Variants in RFPL1 observed in about 807,000 individuals in gnomAD.
RFPL1 encodes the protein ret finger protein-like 1.
In RFPL1, 6 loss-of-function variants were observed where a neutral mutation model predicts 9.6. That is an observed-to-expected ratio of 0.62 (90% CI 0.34 to 1.23). The LOEUF is 1.23. RFPL1 is among the 50% of genes most tolerant of loss of function. RFPL1 has a pLI of 0.03. For synonymous variants in RFPL1, 145 were observed against 149.4 expected (o/e 0.97, Z 0.22); for missense variants, 352 against 398.4 (o/e 0.88, Z 0.99).
At chr22:29,406,992 C>T in the RFPL1 span, among the ~76,000 whole-genome samples, 4 of 152,068 alleles carry the variant, frequency 2.6e-5, no homozygotes, top group Non-Finnish European at 4.4e-5. Flanking sequence ...TCATTTATTT[C>T]ATTTGTGCCA....
the RFPL1 span, among the ~76,000 whole-genome samples, chr22:29,417,466 C>T: frequency 2.2e-3 from 325 of 149,876 alleles, 2 homozygotes; most frequent in Non-Finnish European, 4.0e-3. Context: ...TATCTTGGGA[C>T]CTGGATGGGA....
upstream of RFPL1, chr22:29,438,305 C>G (rs988071690): frequency 6.2e-6 from 1 of 161,296 alleles, no homozygotes; most frequent in Non-Finnish European, 1.3e-5. Flanking sequence ...GCCTCAGCCT[C>G]CCAAGTATCT....
the RFPL1 span, among the ~76,000 whole-genome samples, chr22:29,432,776 A>C: frequency 6.6e-6 from 1 of 151,336 alleles, no homozygotes; most frequent in Non-Finnish European, 1.5e-5. Context: ...CAAGGCCATG[A>C]CTCTTCTTAT....
chr22:29,410,294 G>C, the RFPL1 span, among the ~76,000 whole-genome samples: 3 of 106,856 alleles, frequency 2.8e-5, no homozygotes, highest in East Asian at 2.9e-4. Flanking sequence ...CTATATATAT[G>C]TAGATATATA....
chr22:29,389,833 C>T, the RFPL1 span, among the ~76,000 whole-genome samples: 1 of 151,376 alleles, frequency 6.6e-6, no homozygotes, highest in Non-Finnish European at 1.5e-5. Flanking sequence ...GGGTCTCGCT[C>T]TGTTGCCCGG....
chr22:29,407,113 G>A, the RFPL1 span, among the ~76,000 whole-genome samples: 2 of 123,462 alleles, frequency 1.6e-5, no homozygotes, highest in Non-Finnish European at 3.3e-5. Context: ...GTGTGTGTGT[G>A]TGTGAGAAAA....
At chr22:29,409,633 G>A in the RFPL1 span, among the ~76,000 whole-genome samples, 14,523 of 152,216 alleles carry the variant, frequency 0.095, 692 homozygotes, top group African/African-American at 0.11. Context: ...CATGACACCG[G>A]AGATGGTAAG....
the RFPL1 span, among the ~76,000 whole-genome samples, chr22:29,419,591 C>T: frequency 3.9e-5 from 6 of 151,964 alleles, no homozygotes; most frequent in East Asian, 3.9e-4. Context: ...GATCACGAGG[C>T]CAGGAGATCA....
exon 2 of RFPL1, chr22:29,442,054 T>C (rs1372988824): frequency 6.2e-7 from 1 of 1,613,542 alleles, no homozygotes; most frequent in Non-Finnish European, 8.5e-7. Context: ...TAAGAGTGTC[T>C]TGAGTATCTG....
the RFPL1 span, among the ~76,000 whole-genome samples, chr22:29,409,220 A>G: frequency 6.6e-6 from 1 of 152,162 alleles, no homozygotes; most frequent in African/African-American, 2.4e-5. Context: ...CCCCTCAAAG[A>G]AACCCCACTA....
chr22:29,441,667 A>T, exon 2 of RFPL1: 1 of 1,613,834 alleles, frequency 6.2e-7, no homozygotes, highest in South Asian at 1.1e-5. Context: ...TGACGTGTCC[A>T]TTTGCATCCT....
chr22:29,429,628 C>T, the RFPL1 span, among the ~76,000 whole-genome samples: 1 of 152,116 alleles, frequency 6.6e-6, no homozygotes, highest in East Asian at 1.9e-4. Flanking sequence ...AAACAAAAAA[C>T]CTGAACAGAC....
At chr22:29,426,716 C>T in the RFPL1 span, among the ~76,000 whole-genome samples, 1 of 152,118 alleles carries the variant, frequency 6.6e-6, no homozygotes, top group African/African-American at 2.4e-5. Flanking sequence ...CCATTGCACT[C>T]CGGCCAGGGT....
chr22:29,427,109 C>T, the RFPL1 span, among the ~76,000 whole-genome samples: 73 of 152,308 alleles, frequency 4.8e-4, 1 homozygote, highest in East Asian at 5.4e-3. Flanking sequence ...ATTTATCTGC[C>T]GCAAGGTGGC....
At chr22:29,423,134 T>A in the RFPL1 span, 2 of 1,511,166 alleles carry the variant, frequency 1.3e-6, no homozygotes, top group Non-Finnish European at 1.8e-6. Context: ...CCTTTCTTGG[T>A]CGTGGTGAAA....
chr22:29,433,527 T>TA, the RFPL1 span: 97 of 179,890 alleles, frequency 5.4e-4, no homozygotes, highest in African/African-American at 2.1e-3. Context: ...AATTCTATAT[T>TA]AAAACCCAAG....
intron 1 of RFPL1, chr22:29,439,464 T>C: frequency 2.9e-6 from 1 of 346,738 alleles, no homozygotes; most frequent in Non-Finnish European, 5.2e-6. Context: ...AAACCCTGTC[T>C]CTACTAAAAA....
the RFPL1 span, among the ~76,000 whole-genome samples, chr22:29,416,229 A>G: frequency 6.6e-6 from 1 of 152,202 alleles, no homozygotes; most frequent in South Asian, 2.1e-4. Context: ...ACATCCTGTC[A>G]TTGCATGCAT....
At chr22:29,410,433 G>GATATATATATCTACA in the RFPL1 span, among the ~76,000 whole-genome samples, 1 of 79,738 alleles carries the variant, frequency 1.3e-5, no homozygotes. Context: ...ATATATTGTA[G>GATATATATATCTACA]ATATATATAT....
Sources: gnomAD v4.1 joint callset for allele counts (sites outside exome capture counted in the v4.1 genomes callset) on GRCh38, gnomAD v4.1.1 for gene constraint, MANE v1.5 for transcripts, NCBI Gene and HGNC (gene_info 2026-07-23, HGNC 2026-07-21) for gene names.